GRIA1: variants seen among roughly 807,000 people sequenced by gnomAD.
GRIA1 encodes glutamate ionotropic receptor AMPA type subunit 1.
Under a neutral mutation model 99.2 loss-of-function variants are expected in GRIA1, and 31 were observed. The observed-to-expected ratio is 0.31, with a 90% CI of 0.23 to 0.42. GRIA1 has a LOEUF of 0.42. GRIA1 is among the 10% of genes least tolerant of loss of function. The pLI is 1.00. For missense variants in GRIA1, 782 were observed against 1,157.5 expected (o/e 0.68, Z 4.71); for synonymous variants, 438 against 432.4 (o/e 1.01, Z -0.16).
intron 14 of GRIA1, among the ~76,000 whole-genome samples, chr5:153,801,955 G>GA (rs1439434522): frequency 6.8e-6 from 1 of 146,122 alleles, no homozygotes. Flanking sequence ...ATTGGGGCGG[G>GA]GGGGGGCGGG....
At chr5:153,647,745 C>G (rs1754264113) in intron 3 of GRIA1, among the ~76,000 whole-genome samples, 1 of 152,186 alleles carries the variant, frequency 6.6e-6, no homozygotes, top group African/African-American at 2.4e-5. Flanking sequence ...CTTCATCCTT[C>G]TCTGGGCTTT....
At chr5:153,804,725 A>AT (rs1766302482) in intron 15 of GRIA1, among the ~76,000 whole-genome samples, 28 of 57,656 alleles carry the variant, frequency 4.9e-4, no homozygotes, top group African/African-American at 6.2e-4. Flanking sequence ...TAATTAATTA[A>AT]TTAATTAATT....
chr5:153,745,431 T>A (rs1581584716), intron 11 of GRIA1, among the ~76,000 whole-genome samples: 2 of 151,552 alleles, frequency 1.3e-5, no homozygotes, highest in South Asian at 4.2e-4. Flanking sequence ...CTACTAAAGA[T>A]ACAAAAAATT....
intron 2 of GRIA1, among the ~76,000 whole-genome samples, chr5:153,527,174 C>T (rs962224933): frequency 3.9e-5 from 6 of 152,108 alleles, no homozygotes; most frequent in South Asian, 2.1e-4. Flanking sequence ...ATACTGAAAT[C>T]GCAAAAATTC....
chr5:153,659,961 AT>A (rs1755238124), intron 5 of GRIA1, among the ~76,000 whole-genome samples: 1 of 152,198 alleles, frequency 6.6e-6, no homozygotes, highest in Non-Finnish European at 1.5e-5. Context: ...ATTATAGTTT[AT>A]GTGATATTTC....
At chr5:153,559,969 C>T (rs976615885) in intron 2 of GRIA1, among the ~76,000 whole-genome samples, 1 of 151,994 alleles carries the variant, frequency 6.6e-6, no homozygotes, top group African/African-American at 2.4e-5. Flanking sequence ...CTTTATCCTA[C>T]AAAGTTTGCT....
At chr5:153,497,095 C>T (rs768846107) in intron 2 of GRIA1, among the ~76,000 whole-genome samples, 1 of 152,074 alleles carries the variant, frequency 6.6e-6, no homozygotes, top group African/African-American at 2.4e-5. Flanking sequence ...ATGGCTACTA[C>T]TACTGGCCAA....
chr5:153,735,649 A>G (rs1045285992), intron 11 of GRIA1, among the ~76,000 whole-genome samples: 2 of 152,142 alleles, frequency 1.3e-5, no homozygotes, highest in Non-Finnish European at 2.9e-5. Flanking sequence ...TCCTCCCTTA[A>G]TATTACATTA....
At chr5:153,777,269 G>A (rs1764316023) in intron 13 of GRIA1, among the ~76,000 whole-genome samples, 2 of 152,098 alleles carry the variant, frequency 1.3e-5, no homozygotes. Context: ...GGTCTGAGGA[G>A]GCAGAACATG....
intron 2 of GRIA1, among the ~76,000 whole-genome samples, chr5:153,624,596 G>T (rs1403798363): frequency 6.6e-6 from 1 of 152,196 alleles, no homozygotes; most frequent in Non-Finnish European, 1.5e-5. Flanking sequence ...CTCTGATCAC[G>T]TCATGCTGAC....
At chr5:153,646,604 A>G (rs1456485256) in intron 2 of GRIA1, among the ~76,000 whole-genome samples, 3 of 152,206 alleles carry the variant, frequency 2.0e-5, no homozygotes, top group Admixed American at 2.0e-4. Flanking sequence ...TCTTATATAC[A>G]TGGCTACTGT....
At chr5:153,620,898 A>G (rs1049988200) in intron 2 of GRIA1, among the ~76,000 whole-genome samples, 4 of 152,278 alleles carry the variant, frequency 2.6e-5, no homozygotes, top group East Asian at 3.9e-4. Context: ...AAATCACTTA[A>G]GTTCTTGAAT....
chr5:153,627,859 G>A (rs753343731), intron 2 of GRIA1, among the ~76,000 whole-genome samples: 72 of 152,186 alleles, frequency 4.7e-4, no homozygotes, highest in Non-Finnish European at 1.8e-4. Flanking sequence ...GAAACTGGCT[G>A]CAAGTCTCAG....
rs1766839504 is a variant in GRIA1 at position 153,811,857 on chromosome 5, A to C, written c.*632A>C. 1 of 153,360 alleles carries C rather than the reference A, an allele frequency of 6.5e-6. No individual in the cohort carries two copies. Among genetic ancestry groups the C allele is most frequent in the African/African-American group, 2.4e-5 (1 of 41,430 alleles). The allele number at this position is 153,360 out of a possible 1,614,324, so 9.5% of individuals were successfully genotyped here. A position where few individuals can be genotyped will look rare whatever the true frequency, so the allele number is the denominator to read the frequency against. The stretch of plus-strand genomic sequence containing the variant: ...TTGGAGAAGTGGGCTGCCTTCCCCA[A>C]GTGGGGCACTGCTTAAGCACTTATT... On this transcript the variant is annotated 3_prime_UTR_variant, in exon 16 of 16. Coordinates refer to ENST00000285900, the MANE Select transcript of GRIA1 (RefSeq NM_000827.4).
intron 12 of GRIA1, among the ~76,000 whole-genome samples, chr5:153,769,327 T>C (rs1333311512): frequency 1.3e-5 from 2 of 152,162 alleles, no homozygotes; most frequent in African/African-American, 4.8e-5. Flanking sequence ...CTAGGGAATA[T>C]GCATTTTTAC....
chr5:153,805,570 A>C lies in GRIA1; in HGVS notation c.2520+3080A>C, dbSNP rs116644506. Among the ~76,000 whole-genome samples, 382 of 152,286 alleles carry C rather than the reference A, an allele frequency of 2.5e-3. 3 individuals are homozygous for C. Among genetic ancestry groups the C allele is most frequent in the African/African-American group, 8.8e-3 (365 of 41,560 alleles). ...TGACGAGACCAGTCATCCACCAAGC[A>C]GGAAAGCTCCTGGACATCCAGCCCT... On this transcript the variant is annotated intron_variant, in intron 15 of 15. Coordinates refer to ENST00000285900, the MANE Select transcript of GRIA1 (RefSeq NM_000827.4).
intron 2 of GRIA1, among the ~76,000 whole-genome samples, chr5:153,539,934 A>G (rs182989907): frequency 1.3e-5 from 2 of 152,318 alleles, no homozygotes; most frequent in East Asian, 3.9e-4. Context: ...TCATTTCTCC[A>G]TTTGAGCAGT....
At chr5:153,522,066 A>T (rs1483634053) in intron 2 of GRIA1, among the ~76,000 whole-genome samples, 1 of 152,212 alleles carries the variant, frequency 6.6e-6, no homozygotes, top group East Asian at 1.9e-4. Flanking sequence ...TCCTGTAATT[A>T]TTGTGTTGGG....
At chr5:153,652,122 A>G (rs1321906204) in intron 4 of GRIA1, among the ~76,000 whole-genome samples, 3 of 152,190 alleles carry the variant, frequency 2.0e-5, no homozygotes, top group African/African-American at 7.2e-5. Context: ...TGCTATTCCT[A>G]GTGCCTACTA....
Sources: gnomAD v4.1 joint callset for allele counts (sites outside exome capture counted in the v4.1 genomes callset) on GRCh38, gnomAD v4.1.1 for gene constraint, MANE v1.5 for transcripts, NCBI Gene and HGNC (gene_info 2026-07-23, HGNC 2026-07-21) for gene names.